The following TSPAN9 variants were observed in gnomAD, a reference collection of about 807,000 sequenced individuals.
The protein encoded by TSPAN9 is tetraspanin-9.
A neutral mutation model predicts 31.0 loss-of-function variants in TSPAN9; 16 were observed. The observed-to-expected ratio is 0.52, with a 90% CI of 0.35 to 0.78. The LOEUF (loss-of-function observed/expected upper bound fraction) is 0.78. TSPAN9 is among the 30% of genes least tolerant of loss of function. The pLI is 0.01. For missense variants in TSPAN9, 272 were observed against 312.5 expected (o/e 0.87, Z 0.98); for synonymous variants, 145 against 121.6 (o/e 1.19, Z -1.27).
intron 2 of TSPAN9, among the ~76,000 whole-genome samples, chr12:3,165,190 C>T (rs938843470): frequency 1.3e-5 from 2 of 152,180 alleles, no homozygotes; most frequent in Non-Finnish European, 2.9e-5. Context: ...GGAGGCCTAA[C>T]TCAGCTGCTG....
At chr12:3,132,348 T>C in intron 2 of TSPAN9, among the ~76,000 whole-genome samples, 1 of 152,166 alleles carries the variant, frequency 6.6e-6, no homozygotes, top group South Asian at 2.1e-4. Context: ...ACAGCCAAAC[T>C]GTTTTCCACA....
At position 3,223,407 on chromosome 12, in the gene TSPAN9, C is replaced by T. The variant is rs370664432; in HGVS notation, c.63+22151C>T. Among the ~76,000 whole-genome samples the T allele has an allele frequency of 6.0e-4, 92 of 152,244 alleles. 1 individual carries two copies. The highest frequency in any genetic ancestry group is 1.7e-3 in the African/African-American group (72 of 41,560). On this transcript the variant is annotated intron_variant, in intron 3 of 8. Coordinates refer to ENST00000011898, the MANE Select transcript of TSPAN9 (RefSeq NM_006675.5). ...GGCTGGGGACTGTCATGTTGAAGCC[C>T]GGTGGAGATGTGGGACAGGGACCTC...
chr12:3,121,533 CT>C (rs59376087), intron 2 of TSPAN9, among the ~76,000 whole-genome samples: 1,449 of 92,696 alleles, frequency 0.016, 46 homozygotes, highest in East Asian at 0.033. Flanking sequence ...CTAATTAAAA[CT>C]TTTTTTTTTT....
At chr12:3,077,486 G>A (rs1237634628) in intron 1 of TSPAN9, 33 bp downstream of exon 1, 1 of 152,390 alleles carries the variant, frequency 6.6e-6, no homozygotes, top group East Asian at 1.9e-4. Context: ...GCGGCGAGGC[G>A]GGTCTCGAGA....
chr12:3,109,317 T>TGAGA (rs1565579012), intron 2 of TSPAN9, among the ~76,000 whole-genome samples: 1 of 129,458 alleles, frequency 7.7e-6, no homozygotes, highest in Non-Finnish European at 1.6e-5. Flanking sequence ...AGTGTGTGTG[T>TGAGA]GTGTGTGTGT....
chr12:3,159,033 C>T (rs557419819), intron 2 of TSPAN9, among the ~76,000 whole-genome samples: 3 of 152,130 alleles, frequency 2.0e-5, no homozygotes, highest in African/African-American at 7.2e-5. Context: ...CTCCTCAGAG[C>T]TTGATTGTCT....
intron 2 of TSPAN9, chr12:3,200,196 A>G (rs1050234602): frequency 1.3e-5 from 2 of 152,210 alleles, no homozygotes; most frequent in East Asian, 1.9e-4. Context: ...CGCTAATCCC[A>G]TTAAAGATAG....
At chr12:3,175,099 C>T (rs1014200533) in intron 2 of TSPAN9, among the ~76,000 whole-genome samples, 3 of 151,432 alleles carry the variant, frequency 2.0e-5, no homozygotes, top group Admixed American at 6.6e-5. Context: ...GCTGTGCACA[C>T]GACCCCTGCA....
chr12:3,079,711 C>T (rs1224199037), intron 1 of TSPAN9, among the ~76,000 whole-genome samples: 1 of 151,970 alleles, frequency 6.6e-6, no homozygotes, highest in Non-Finnish European at 1.5e-5. Flanking sequence ...ATCCGCCTGC[C>T]TTGGCCTCCC....
intron 2 of TSPAN9, among the ~76,000 whole-genome samples, chr12:3,150,618 G>A (rs541423948): frequency 9.8e-5 from 15 of 152,286 alleles, no homozygotes; most frequent in East Asian, 3.9e-4. Flanking sequence ...CTTCTCTGCC[G>A]TTGTATTTGG....
chr12:3,227,412 A>G (rs747055616), intron 3 of TSPAN9, among the ~76,000 whole-genome samples: 6 of 152,100 alleles, frequency 3.9e-5, no homozygotes, highest in Non-Finnish European at 7.4e-5. Flanking sequence ...AGGGCAGCCC[A>G]TCATGGCCTG....
chr12:3,274,391 T>C (rs559359), intron 3 of TSPAN9, among the ~76,000 whole-genome samples: 59,898 of 151,210 alleles, frequency 0.4, 12,087 homozygotes, highest in Middle Eastern at 0.5. Context: ...AAGGTCACAC[T>C]AGGGAGCAGC....
intron 3 of TSPAN9, among the ~76,000 whole-genome samples, chr12:3,258,411 G>A (rs554115640): frequency 6.6e-6 from 1 of 152,288 alleles, no homozygotes; most frequent in Admixed American, 6.5e-5. Flanking sequence ...CCTTTGAGAT[G>A]GGGAAAGAGA....
intron 2 of TSPAN9, among the ~76,000 whole-genome samples, chr12:3,135,179 G>GCTCAAGCAATCCTCCCAC (rs1420878156): frequency 3.3e-5 from 5 of 152,146 alleles, no homozygotes; most frequent in Admixed American, 6.5e-5. Flanking sequence ...AACCTCCTGT[G>GCTCAAGCAATCCTCCCAC]CTCAAGCAAT....
chr12:3,122,338 A>G (rs1481524652), intron 2 of TSPAN9, among the ~76,000 whole-genome samples: 3 of 151,608 alleles, frequency 2.0e-5, no homozygotes, highest in African/African-American at 7.3e-5. Flanking sequence ...AAAAGGAGAT[A>G]GAGTCTTGCT....
intron 2 of TSPAN9, among the ~76,000 whole-genome samples, chr12:3,131,026 G>A (rs941177458): frequency 5.9e-5 from 9 of 151,916 alleles, no homozygotes; most frequent in African/African-American, 1.9e-4. Context: ...TTTGCTGAGC[G>A]GCTCTTTGCT....
chr12:3,239,927 G>C (rs772516629), intron 3 of TSPAN9, among the ~76,000 whole-genome samples: 11 of 152,126 alleles, frequency 7.2e-5, no homozygotes, highest in Non-Finnish European at 1.3e-4. Context: ...GGACGAGGGA[G>C]GGCATTGCCA....
chr12:3,139,800 G>A (rs1481697085), intron 2 of TSPAN9, among the ~76,000 whole-genome samples: 3 of 152,066 alleles, frequency 2.0e-5, no homozygotes, highest in African/African-American at 4.8e-5. Flanking sequence ...CACCTCCCTC[G>A]GCCTCCCCTA....
chr12:3,079,896 G>A (rs1464703853), intron 1 of TSPAN9, among the ~76,000 whole-genome samples: 1 of 150,906 alleles, frequency 6.6e-6, no homozygotes, highest in East Asian at 1.9e-4. Context: ...TTAGCCTCCC[G>A]AGTAGCTGGG....
Sources: gnomAD v4.1 joint callset for allele counts (sites outside exome capture counted in the v4.1 genomes callset) on GRCh38, gnomAD v4.1.1 for gene constraint, MANE v1.5 for transcripts, NCBI Gene and HGNC (gene_info 2026-07-23, HGNC 2026-07-21) for gene names.